GALNTL6: variants seen among roughly 807,000 people sequenced by gnomAD.
GALNTL6 encodes the protein polypeptide N-acetylgalactosaminyltransferase-like 6.
A neutral mutation model predicts 73.7 loss-of-function variants in GALNTL6; 46 were observed. The ratio of observed to expected loss-of-function variants is 0.62; its 90% CI spans 0.49 to 0.80. GALNTL6 has a LOEUF of 0.80. GALNTL6 is among the 30% of genes least tolerant of loss of function. GALNTL6 has a pLI of 0.00. For missense variants in GALNTL6, 604 were observed against 755.0 expected (o/e 0.80, Z 2.34); for synonymous variants, 259 against 263.7 (o/e 0.98, Z 0.17).
At chr4:172,730,568 G>A (rs1736084752) in intron 5 of GALNTL6, among the ~76,000 whole-genome samples, 1 of 152,176 alleles carries the variant, frequency 6.6e-6, no homozygotes, top group Admixed American at 6.5e-5. Flanking sequence ...TTACCCCTAG[G>A]ATGAATTTCA....
At chr4:172,172,455 C>T (rs1734860952) in intron 2 of GALNTL6, among the ~76,000 whole-genome samples, 1 of 152,060 alleles carries the variant, frequency 6.6e-6, no homozygotes, top group Non-Finnish European at 1.5e-5. Flanking sequence ...CCTTGGCCTC[C>T]CAAAGTGCCG....
At chr4:172,005,988 A>G (rs1196956506) in intron 2 of GALNTL6, among the ~76,000 whole-genome samples, 3 of 152,188 alleles carry the variant, frequency 2.0e-5, no homozygotes, top group Non-Finnish European at 4.4e-5. Context: ...CACAAGACCT[A>G]TTAACTTTCT....
chr4:172,001,460 A>T (rs1286793859), intron 2 of GALNTL6, among the ~76,000 whole-genome samples: 1 of 152,160 alleles, frequency 6.6e-6, no homozygotes, highest in Non-Finnish European at 1.5e-5. Flanking sequence ...TGATAAAATG[A>T]AAAGGAGATG....
chr4:172,034,395 CGTGCGT>C (rs1482851547), intron 2 of GALNTL6, among the ~76,000 whole-genome samples: 9,451 of 139,118 alleles, frequency 0.068, 347 homozygotes, highest in East Asian at 0.1. Context: ...GGGGAGCGTG[CGTGCGT>C]GTGTGTGTGT....
intron 5 of GALNTL6, among the ~76,000 whole-genome samples, chr4:172,595,165 G>C (rs1362821399): frequency 6.6e-6 from 1 of 152,064 alleles, no homozygotes; most frequent in Non-Finnish European, 1.5e-5. Flanking sequence ...TCACATTGGA[G>C]GTTAGGATTT....
intron 5 of GALNTL6, among the ~76,000 whole-genome samples, chr4:172,543,233 C>T (rs1376705419): frequency 1.3e-5 from 2 of 152,206 alleles, no homozygotes; most frequent in African/African-American, 4.8e-5. Context: ...CAACCAATTA[C>T]GTGCACATGC....
chr4:172,436,459 G>T (rs1428901456), intron 5 of GALNTL6, among the ~76,000 whole-genome samples: 3 of 152,010 alleles, frequency 2.0e-5, no homozygotes, highest in Non-Finnish European at 4.4e-5. Context: ...GAGAGAAACA[G>T]GTAAGTCCCG....
chr4:172,324,141 G>C (rs921036193), intron 4 of GALNTL6, among the ~76,000 whole-genome samples: 2 of 151,742 alleles, frequency 1.3e-5, no homozygotes, highest in African/African-American at 4.8e-5. Context: ...TATTTTACAT[G>C]ATGTGTGTGT....
intron 2 of GALNTL6, among the ~76,000 whole-genome samples, chr4:171,937,987 C>T (rs903095347): frequency 6.6e-5 from 10 of 152,026 alleles, no homozygotes; most frequent in African/African-American, 2.2e-4. Context: ...GGTTGTTTCT[C>T]GCCGTTCTGC....
At chr4:172,923,714 G>A (rs1561036060) in intron 8 of GALNTL6, among the ~76,000 whole-genome samples, 1 of 152,130 alleles carries the variant, frequency 6.6e-6, no homozygotes, top group South Asian at 2.1e-4. Context: ...AAAGAAAGAG[G>A]TTTAAATGGA....
At chr4:172,854,526 T>A (rs562923091) in intron 7 of GALNTL6, among the ~76,000 whole-genome samples, 1 of 152,306 alleles carries the variant, frequency 6.6e-6, no homozygotes, top group East Asian at 1.9e-4. Context: ...CATTGCTGTA[T>A]GCTCTCCTGA....
intron 2 of GALNTL6, among the ~76,000 whole-genome samples, chr4:171,887,514 A>T (rs1188052415): frequency 6.6e-6 from 1 of 152,214 alleles, no homozygotes; most frequent in East Asian, 1.9e-4. Context: ...ATACTACTTG[A>T]AGAGGCTCCT....
chr4:172,961,088 G>A, intron 10 of GALNTL6, among the ~76,000 whole-genome samples: 1 of 61,920 alleles, frequency 1.6e-5, no homozygotes, highest in Admixed American at 1.6e-4. Context: ...CCAGGAAAGT[G>A]GAGAAGGGGT....
At chr4:172,667,763 C>A (rs1731751625) in intron 5 of GALNTL6, 1 of 152,198 alleles carries the variant, frequency 6.6e-6, no homozygotes. Flanking sequence ...CTGCACTATG[C>A]AAATGATTAG....
chr4:172,854,892 A>G (rs1744042653), intron 7 of GALNTL6, among the ~76,000 whole-genome samples: 1 of 152,252 alleles, frequency 6.6e-6, no homozygotes, highest in Admixed American at 6.5e-5. Context: ...ATACCAGGAC[A>G]GATCCTGCTG....
At chr4:172,178,605 T>C (rs1735126332) in intron 2 of GALNTL6, among the ~76,000 whole-genome samples, 1 of 152,006 alleles carries the variant, frequency 6.6e-6, no homozygotes, top group Admixed American at 6.6e-5. Flanking sequence ...GAACTCATCC[T>C]TTTTTATGGC....
At chr4:172,120,414 A>G (rs1579158064) in intron 2 of GALNTL6, among the ~76,000 whole-genome samples, 1 of 152,200 alleles carries the variant, frequency 6.6e-6, no homozygotes, top group East Asian at 1.9e-4. Flanking sequence ...GGCTGCCCTC[A>G]TTCTTTTACT....
At chr4:173,021,958 C>T (rs2126516800) in intron 12 of GALNTL6, among the ~76,000 whole-genome samples, 1 of 150,630 alleles carries the variant, frequency 6.6e-6, no homozygotes, top group East Asian at 2.0e-4. Context: ...CGTGCCACTA[C>T]ACTCCAGCCT....
intron 5 of GALNTL6, among the ~76,000 whole-genome samples, chr4:172,465,216 G>A (rs1732764731): frequency 1.3e-5 from 2 of 152,144 alleles, no homozygotes; most frequent in African/African-American, 4.8e-5. Context: ...GGTGGCTCAC[G>A]CCTGTAATCC....
Sources: gnomAD v4.1 joint callset for allele counts (sites outside exome capture counted in the v4.1 genomes callset) on GRCh38, gnomAD v4.1.1 for gene constraint, MANE v1.5 for transcripts, NCBI Gene and HGNC (gene_info 2026-07-23, HGNC 2026-07-21) for gene names.